Variants in OPCML observed in about 807,000 individuals in gnomAD.
OPCML encodes the protein opioid binding protein/cell adhesion molecule like, also known as opioid-binding protein/cell adhesion molecule.
A neutral mutation model predicts 37.8 loss-of-function variants in OPCML; 13 were observed. The ratio of observed to expected loss-of-function variants is 0.34; its 90% confidence interval spans 0.22 to 0.55. The LOEUF is 0.55. OPCML is among the 20% of genes least tolerant of loss of function. OPCML has a pLI of 0.91. For synonymous variants in OPCML, 176 were observed against 168.8 expected (o/e 1.04, Z -0.33); for missense variants, 341 against 435.6 (o/e 0.78, Z 1.93).
At chr11:133,491,452 C>T (rs528812794) in intron 1 of OPCML, among the ~76,000 whole-genome samples, 30 of 152,152 alleles carry the variant, frequency 2.0e-4, no homozygotes, top group Admixed American at 3.9e-4. Context: ...TGGGAACATT[C>T]TTATTGTGTG....
chr11:133,083,833 G>A (rs1204766107), intron 1 of OPCML, among the ~76,000 whole-genome samples: 5 of 152,192 alleles, frequency 3.3e-5, no homozygotes, highest in South Asian at 2.1e-4. Context: ...GGAAGGTTGC[G>A]GAATGACGGG....
intron 2 of OPCML, chr11:132,772,374 A>T (rs1027468351): frequency 6.6e-6 from 1 of 152,234 alleles, no homozygotes; most frequent in Non-Finnish European, 1.5e-5. Context: ...TCACATATAC[A>T]CTGGGAAAGT....
chr11:132,605,835 C>G (rs1351200718), intron 3 of OPCML, among the ~76,000 whole-genome samples: 1 of 152,128 alleles, frequency 6.6e-6, no homozygotes, highest in Non-Finnish European at 1.5e-5. Flanking sequence ...ATAGGAAGAA[C>G]TCAATATACA....
intron 1 of OPCML, among the ~76,000 whole-genome samples, chr11:133,261,113 C>T (rs1290462169): frequency 1.3e-5 from 2 of 152,190 alleles, no homozygotes; most frequent in African/African-American, 2.4e-5. Flanking sequence ...TTGGATATCA[C>T]ATCAAGTGCT....
At chr11:133,233,572 C>T (rs184919503) in intron 1 of OPCML, among the ~76,000 whole-genome samples, 51 of 152,302 alleles carry the variant, frequency 3.3e-4, no homozygotes, top group Admixed American at 2.9e-3. Flanking sequence ...ATTAGTTTAT[C>T]CATATAGTTT....
intron 1 of OPCML, among the ~76,000 whole-genome samples, chr11:133,087,308 G>T (rs554499561): frequency 6.6e-6 from 1 of 152,122 alleles, no homozygotes; most frequent in South Asian, 2.1e-4. Flanking sequence ...ATTATTTTAG[G>T]TGTAGGGGCT....
chr11:133,460,992 A>G (rs182537321), intron 1 of OPCML, among the ~76,000 whole-genome samples: 160 of 152,088 alleles, frequency 1.1e-3, no homozygotes, highest in African/African-American at 3.7e-3. Context: ...AAAACACATG[A>G]TCATTTCATT....
At chr11:132,789,000 C>T (rs1404302227) in intron 2 of OPCML, among the ~76,000 whole-genome samples, 1 of 152,162 alleles carries the variant, frequency 6.6e-6, no homozygotes, top group Non-Finnish European at 1.5e-5. Flanking sequence ...GACTTTCTTT[C>T]CTTTGTATGC....
chr11:132,522,842 T>C (rs1212481747), intron 4 of OPCML, among the ~76,000 whole-genome samples: 1 of 152,222 alleles, frequency 6.6e-6, no homozygotes, highest in East Asian at 1.9e-4. Flanking sequence ...GCATCTTTTA[T>C]TTGGAGTGCT....
chr11:132,946,385 C>A (rs186641838), intron 1 of OPCML, among the ~76,000 whole-genome samples: 1 of 152,136 alleles, frequency 6.6e-6, no homozygotes, highest in East Asian at 1.9e-4. Context: ...GTAACATAGT[C>A]GTTTATATTG....
chr11:132,465,701 T>C (rs1280995415), intron 4 of OPCML, among the ~76,000 whole-genome samples: 1 of 152,226 alleles, frequency 6.6e-6, no homozygotes, highest in Non-Finnish European at 1.5e-5. Flanking sequence ...CATTGCCAAA[T>C]CTGTCAGCTG....
intron 2 of OPCML, among the ~76,000 whole-genome samples, chr11:132,716,458 T>C (rs915297024): frequency 6.7e-6 from 1 of 150,020 alleles, no homozygotes; most frequent in Admixed American, 6.7e-5. Context: ...ATCTATCATC[T>C]GTCTACCTAC....
chr11:133,464,367 A>T (rs1029442308), intron 1 of OPCML, among the ~76,000 whole-genome samples: 1 of 152,174 alleles, frequency 6.6e-6, no homozygotes, highest in Non-Finnish European at 1.5e-5. Flanking sequence ...ATGGCAAGCA[A>T]AATAGAGCTT....
intron 2 of OPCML, among the ~76,000 whole-genome samples, chr11:132,861,857 C>A (rs866571286): frequency 0.012 from 1,710 of 142,040 alleles, 17 homozygotes; most frequent in South Asian, 0.034. Flanking sequence ...AAAAAAAAAA[C>A]AAAAACTGTT....
chr11:132,740,026 T>C (rs1420297809), intron 2 of OPCML, among the ~76,000 whole-genome samples: 1 of 152,180 alleles, frequency 6.6e-6, no homozygotes, highest in Non-Finnish European at 1.5e-5. Flanking sequence ...AAGAAAAAAA[T>C]ATAACTTGAT....
chr11:132,448,169 G>A (rs768606867), intron 4 of OPCML, among the ~76,000 whole-genome samples: 20 of 152,208 alleles, frequency 1.3e-4, no homozygotes, highest in Non-Finnish European at 2.5e-4. Context: ...CTCAGTTCCT[G>A]CAGATGAAGC....
chr11:132,547,674 T>C (rs969722986), intron 3 of OPCML, among the ~76,000 whole-genome samples: 1 of 152,196 alleles, frequency 6.6e-6, no homozygotes, highest in Non-Finnish European at 1.5e-5. Context: ...TTTTTTCTTT[T>C]AGTCCTTAAA....
At chr11:132,658,322 C>T (rs114879186) in intron 2 of OPCML, among the ~76,000 whole-genome samples, 2,498 of 152,326 alleles carry the variant, frequency 0.016, 71 homozygotes, top group African/African-American at 0.057. Context: ...GAGGAGAACA[C>T]GGGGAATAGG....
intron 1 of OPCML, among the ~76,000 whole-genome samples, chr11:133,514,981 C>T (rs1948234647): frequency 6.6e-6 from 1 of 152,160 alleles, no homozygotes; most frequent in Non-Finnish European, 1.5e-5. Context: ...TCTAGAACAA[C>T]CCTACTATTA....
Sources: gnomAD v4.1 joint callset for allele counts (sites outside exome capture counted in the v4.1 genomes callset) on GRCh38, gnomAD v4.1.1 for gene constraint, MANE v1.5 for transcripts, NCBI Gene and HGNC (gene_info 2026-07-23, HGNC 2026-07-21) for gene names.